TDRP: variants seen among roughly 807,000 people sequenced by gnomAD.
TDRP encodes testis development related protein.
In TDRP, 12 loss-of-function variants were observed where a neutral mutation model predicts 10.5. The ratio of observed to expected loss-of-function variants is 1.15; its 90% CI spans 0.73 to 1.86. TDRP has a LOEUF of 1.86. Ranked by LOEUF, TDRP falls within the 40% of genes most tolerant of loss-of-function variation. The pLI, the probability that TDRP is intolerant of heterozygous loss-of-function variation, is 0.00. For synonymous variants in TDRP, 139 were observed against 95.4 expected (o/e 1.46, Z -2.67); for missense variants, 353 against 229.2 (o/e 1.54, Z -3.49).
chr8:525,790 G>A (rs1584365), intron 1 of TDRP, among the ~76,000 whole-genome samples: 106,336 of 152,018 alleles, frequency 0.7, 37,668 homozygotes, highest in African/African-American at 0.77. Flanking sequence ...CAGAAAACAA[G>A]TAAGAAAATG....
intron 1 of TDRP, among the ~76,000 whole-genome samples, chr8:540,178 G>A (rs908360114): frequency 2.0e-5 from 3 of 152,232 alleles, no homozygotes; most frequent in East Asian, 1.9e-4. Flanking sequence ...GTTAGAAGAC[G>A]GCTCAGCAAC....
chr8:521,684 TTTTG>T (rs1480240323), intron 1 of TDRP, among the ~76,000 whole-genome samples: 1 of 152,194 alleles, frequency 6.6e-6, no homozygotes, highest in Non-Finnish European at 1.5e-5. Flanking sequence ...CAGTTTTTGT[TTTTG>T]TTTTTTTCTT....
intron 1 of TDRP, among the ~76,000 whole-genome samples, chr8:511,733 T>C (rs75649401): frequency 0.078 from 11,902 of 152,232 alleles, 571 homozygotes; most frequent in Admixed American, 0.14. Flanking sequence ...GATAAAACTA[T>C]TCAAAGTCCT....
chr8:537,947 T>G (rs537147013), intron 1 of TDRP, among the ~76,000 whole-genome samples: 64 of 152,368 alleles, frequency 4.2e-4, no homozygotes, highest in African/African-American at 1.5e-3. Flanking sequence ...TAAGTGCTCC[T>G]TCATAATAAA....
At chr8:494,149 G>C (rs1176195188) in intron 2 of TDRP, among the ~76,000 whole-genome samples, 1 of 150,524 alleles carries the variant, frequency 6.6e-6, no homozygotes, top group African/African-American at 2.4e-5. Flanking sequence ...TTTTAGTATA[G>C]ACGGGGTTTC....
At chr8:521,949 T>C (rs994763150) in intron 1 of TDRP, among the ~76,000 whole-genome samples, 1 of 152,222 alleles carries the variant, frequency 6.6e-6, no homozygotes, top group Non-Finnish European at 1.5e-5. Context: ...TATTTCTAAG[T>C]ACCTTTTTTC....
chr8:493,233 G>A (rs527761914), intron 2 of TDRP, among the ~76,000 whole-genome samples: 2 of 152,214 alleles, frequency 1.3e-5, no homozygotes, highest in African/African-American at 4.8e-5. Flanking sequence ...AAAAGGAAAT[G>A]GTAGCAAGCG....
At chr8:543,942 GT>G (rs1484722968) in intron 1 of TDRP, among the ~76,000 whole-genome samples, 4 of 126,334 alleles carry the variant, frequency 3.2e-5, no homozygotes, top group African/African-American at 5.8e-5. Flanking sequence ...GGGGGAGGGG[GT>G]GGGGGAGGGC....
chr8:507,532 G>T, intron 1 of TDRP, among the ~76,000 whole-genome samples: 1 of 152,150 alleles, frequency 6.6e-6, no homozygotes, highest in East Asian at 1.9e-4. Context: ...TTTAGCAGCT[G>T]CATGCGGTCA....
At chr8:506,016 G>A (rs1176477598) in intron 1 of TDRP, among the ~76,000 whole-genome samples, 1 of 152,172 alleles carries the variant, frequency 6.6e-6, no homozygotes, top group Non-Finnish European at 1.5e-5. Context: ...TGGCCTAATG[G>A]CTGGGGGTCT....
intron 1 of TDRP, among the ~76,000 whole-genome samples, chr8:510,432 T>G (rs1436768071): frequency 6.6e-6 from 1 of 152,172 alleles, no homozygotes; most frequent in East Asian, 1.9e-4. Flanking sequence ...AGATCAGATG[T>G]AATCTTTATT....
intron 2 of TDRP, 141 bp from the exon 3 acceptor site, chr8:492,885 TATTAAA>T: frequency 1.4e-6 from 1 of 731,280 alleles, no homozygotes. Context: ...AAGTTTCAAA[TATTAAA>T]ATTAAGGAAA....
chr8:524,200 G>A (rs1801977827), intron 1 of TDRP, among the ~76,000 whole-genome samples: 1 of 152,186 alleles, frequency 6.6e-6, no homozygotes, highest in African/African-American at 2.4e-5. Flanking sequence ...AACCAAGTTG[G>A]TATGTCTACA....
In TDRP at chr8:494,509, G is replaced by C. The variant is rs1801075374; in HGVS notation, c.197C>G (p.Ser66Cys). Residue 66 changes from serine to cysteine, a missense_variant, in exon 2 of 3, where the codon TCT becomes TGT. By Grantham distance (112) the Ser-to-Cys change is moderately radical. Transcript: ENST00000324079. ...TATGACTTACCCTTTGGACTTGGGA[G>C]ATTTACATCTTTCCAGGAGATGCTG... ...DEQHLLERCK[S>C]PKSKGTNLRL... 3.7e-6 allele frequency: 6 copies of C among 1,613,844 alleles called. No individual in the cohort carries two copies. Among genetic ancestry groups the C allele is most frequent in the African/African-American group, 1.3e-5 (1 of 75,022 alleles).
At chr8:493,769 G>C (rs909882903) in intron 2 of TDRP, among the ~76,000 whole-genome samples, 7 of 147,988 alleles carry the variant, frequency 4.7e-5, no homozygotes, top group Non-Finnish European at 9.0e-5. Flanking sequence ...TGTTTTTTTT[G>C]GTGGTGGTTG....
At chr8:500,857 A>C (rs895989230) in intron 1 of TDRP, among the ~76,000 whole-genome samples, 1 of 152,176 alleles carries the variant, frequency 6.6e-6, no homozygotes, top group Non-Finnish European at 1.5e-5. Flanking sequence ...GGGCAAGACC[A>C]GGAAGTGTTA....
At chr8:511,348 T>A (rs1563122251) in intron 1 of TDRP, among the ~76,000 whole-genome samples, 1 of 151,420 alleles carries the variant, frequency 6.6e-6, no homozygotes. Flanking sequence ...AAAAGAGAGT[T>A]TAAAAAATTT....
At chr8:525,129 T>G (rs1023376352) in intron 1 of TDRP, among the ~76,000 whole-genome samples, 3 of 152,118 alleles carry the variant, frequency 2.0e-5, no homozygotes, top group Non-Finnish European at 4.4e-5. Flanking sequence ...GGCTTTTCAG[T>G]GGAAACCTTA....
intron 1 of TDRP, among the ~76,000 whole-genome samples, chr8:519,493 A>C (rs1354878986): frequency 6.6e-6 from 1 of 152,096 alleles, no homozygotes; most frequent in Non-Finnish European, 1.5e-5. Flanking sequence ...CAATTGCGTT[A>C]ACTACATGCA....
Sources: allele counts gnomAD v4.1 joint callset (sites outside exome capture counted in the v4.1 genomes callset), GRCh38; gene constraint gnomAD v4.1.1; transcripts MANE v1.5; gene names NCBI Gene and HGNC (gene_info 2026-07-23, HGNC 2026-07-21).